KANSL1L: variants seen among roughly 807,000 people sequenced by gnomAD.
KANSL1L encodes the protein KAT8 regulatory NSL complex subunit 1-like protein.
A neutral mutation model predicts 108.6 loss-of-function variants in KANSL1L; 25 were observed. The ratio of observed to expected loss-of-function variants is 0.23; its 90% CI spans 0.17 to 0.32. The LOEUF (loss-of-function observed/expected upper bound fraction) is 0.32, where lower values mean the gene tolerates loss of function less well. KANSL1L is among the 10% of genes least tolerant of loss of function. KANSL1L has a pLI of 1.00. For synonymous variants in KANSL1L, 405 were observed against 395.1 expected, an observed-to-expected ratio of 1.03 and a Z score of -0.30; for missense variants, 1,137 against 1,125.7, an observed-to-expected ratio of 1.01 and a Z score of -0.14.
At chr2:210,088,431 C>T (rs554463366) in intron 5 of KANSL1L, 1 of 152,354 alleles carries the variant, frequency 6.6e-6, no homozygotes, top group South Asian at 2.1e-4. Context: ...AAATACTCAC[C>T]CAATGAATCC....
chr2:210,067,215 C>A (rs1200644750), intron 6 of KANSL1L, among the ~76,000 whole-genome samples: 1 of 152,168 alleles, frequency 6.6e-6, no homozygotes, highest in African/African-American at 2.4e-5. Context: ...AGTTCTCCAG[C>A]TGGCAGACAG....
intron 6 of KANSL1L, among the ~76,000 whole-genome samples, chr2:210,046,751 T>C (rs919558990): frequency 6.6e-6 from 1 of 152,128 alleles, no homozygotes; most frequent in African/African-American, 2.4e-5. Flanking sequence ...CCTGTGGCTC[T>C]CCTAGGCTAG....
At chr2:210,092,930 T>G (rs529113195) in intron 5 of KANSL1L, among the ~76,000 whole-genome samples, 4 of 148,796 alleles carry the variant, frequency 2.7e-5, no homozygotes, top group South Asian at 2.1e-4. Flanking sequence ...GGTTTTTTGT[T>G]TTTTTTTTTT....
Position 210,022,782 on chromosome 2 carries a change from T to C in KANSL1L, c.*167A>G, listed in dbSNP as rs1167907265. ...GTAGATGAAAATCTGGTTACCCTTA[T>C]GGTTCCAGAAGGAAAAACAGACTTA... On this transcript the variant is annotated 3_prime_UTR_variant, in exon 15 of 15. Transcript: ENST00000281772. 5.1e-6 allele frequency: 3 copies of C among 591,150 alleles called. No homozygotes were observed. Among genetic ancestry groups the C allele is most frequent in the East Asian group, 2.8e-5 (1 of 35,180 alleles). The allele number at this position is 591,150 out of a possible 1,614,324, so 36.6% of individuals were successfully genotyped here.
At chr2:210,099,031 CT>C (rs1266558560) in intron 4 of KANSL1L, among the ~76,000 whole-genome samples, 4 of 151,884 alleles carry the variant, frequency 2.6e-5, no homozygotes, top group Non-Finnish European at 4.4e-5. Context: ...CATAGAAGAA[CT>C]GGAAAATATA....
intron 2 of KANSL1L, among the ~76,000 whole-genome samples, chr2:210,150,952 A>T (rs1226963953): frequency 6.6e-6 from 1 of 152,152 alleles, no homozygotes; most frequent in Admixed American, 6.5e-5. Context: ...ACTAAGCATT[A>T]TAGGAAATCA....
intron 8 of KANSL1L, among the ~76,000 whole-genome samples, chr2:210,031,918 C>A (rs1275016611): frequency 4.6e-5 from 7 of 152,290 alleles, no homozygotes; most frequent in Middle Eastern, 3.4e-3. Context: ...CATGGTCAGA[C>A]TAGACTGTGC....
intron 5 of KANSL1L, among the ~76,000 whole-genome samples, chr2:210,078,076 G>C (rs2094555024): frequency 6.6e-6 from 1 of 152,122 alleles, no homozygotes; most frequent in Non-Finnish European, 1.5e-5. Context: ...ATATGGTATA[G>C]CCTCTTGCTC....
chr2:210,125,390 AAAG>A (rs1327916192), intron 3 of KANSL1L, among the ~76,000 whole-genome samples: 1 of 152,236 alleles, frequency 6.6e-6, no homozygotes, highest in Non-Finnish European at 1.5e-5. Context: ...CTAAATTTTT[AAAG>A]AAGACCAAAT....
intron 2 of KANSL1L, among the ~76,000 whole-genome samples, chr2:210,143,552 C>A (rs2095244967): frequency 6.6e-6 from 1 of 152,070 alleles, no homozygotes; most frequent in South Asian, 2.1e-4. Flanking sequence ...TCCTCTCTTG[C>A]TGTCTTCCTT....
In KANSL1L at chr2:210,024,302, C is replaced by A. The variant is rs10197463; in HGVS notation, c.2565-101G>T. 11,360 of 863,130 alleles carry A rather than the reference C, an allele frequency of 0.013. 894 individuals are homozygous for A. The African/African-American group carries it at 0.17, about 13-fold the overall frequency. The allele number at this position is 863,130 out of a possible 1,614,324, so 53.5% of individuals were successfully genotyped here. A position where few individuals can be genotyped will look rare whatever the true frequency, so the allele number is the denominator to read the frequency against. On this transcript the variant is annotated intron_variant, in intron 13 of 14. Transcript: ENST00000281772. Reference sequence around the variant, plus strand: ...TCACTGAGTCAAGTTAACTTGGTAACTTTAAACAGTTTTGCCCAAAGATTT... The same window carrying A: ...TCACTGAGTCAAGTTAACTTGGTAAATTTAAACAGTTTTGCCCAAAGATTT...
At chr2:210,086,841 T>C (rs912719054) in intron 5 of KANSL1L, among the ~76,000 whole-genome samples, 1 of 152,024 alleles carries the variant, frequency 6.6e-6, no homozygotes, top group Non-Finnish European at 1.5e-5. Context: ...TATAATGTGA[T>C]ATAAAGCTAT....
intron 8 of KANSL1L, among the ~76,000 whole-genome samples, chr2:210,034,339 C>G (rs2094069890): frequency 6.6e-6 from 1 of 152,058 alleles, no homozygotes; most frequent in Non-Finnish European, 1.5e-5. Context: ...GTGACAGACT[C>G]CAAATATGAA....
In KANSL1L at chr2:210,028,611, A is replaced by G. The variant is rs1168868137; in HGVS notation, c.2396+234T>C. ...CTGGATAATAATAATAAAAAAGACTAAGAATGCTAAAGTAGTCTAGGAATT... is the reference window on the plus strand; with the variant it reads ...CTGGATAATAATAATAAAAAAGACTGAGAATGCTAAAGTAGTCTAGGAATT... On this transcript the variant is annotated intron_variant, in intron 11 of 14. Transcript: ENST00000281772. 39 of 362,134 alleles carry G rather than the reference A, an allele frequency of 1.1e-4. No homozygotes were observed. The South Asian group carries it at 1.7e-3, about 15-fold the overall frequency. 22.4% of individuals were successfully genotyped at this position (362,134 alleles called of 1,614,324 possible). A position where few individuals can be genotyped will look rare whatever the true frequency, so the allele number is the denominator to read the frequency against.
intron 5 of KANSL1L, chr2:210,096,388 T>C (rs1220117275): frequency 2.4e-5 from 12 of 492,780 alleles, no homozygotes; most frequent in Non-Finnish European, 2.9e-5. Flanking sequence ...TGAAGACTTC[T>C]GTCTTCATAT....
At chr2:210,161,444 A>C (rs2095360942) in intron 1 of KANSL1L, among the ~76,000 whole-genome samples, 1 of 152,234 alleles carries the variant, frequency 6.6e-6, no homozygotes, top group Admixed American at 6.5e-5. Context: ...TATCAGAATG[A>C]ATCATGAGCC....
At chr2:210,040,722 A>G (rs1393528236) in intron 7 of KANSL1L, among the ~76,000 whole-genome samples, 195 bp from the exon 8 acceptor site, 1 of 152,134 alleles carries the variant, frequency 6.6e-6, no homozygotes, top group African/African-American at 2.4e-5. Flanking sequence ...AGTATTTTAG[A>G]AATTACTGGT....
chr2:210,039,978 G>A (rs1307686467), intron 8 of KANSL1L, among the ~76,000 whole-genome samples: 2 of 151,398 alleles, frequency 1.3e-5, no homozygotes, highest in African/African-American at 2.4e-5. Context: ...TATGTGCTTG[G>A]GCTAGATTTT....
At chr2:210,055,885 C>T (rs916243729) in intron 6 of KANSL1L, among the ~76,000 whole-genome samples, 3 of 152,242 alleles carry the variant, frequency 2.0e-5, no homozygotes, top group Non-Finnish European at 4.4e-5. Context: ...GAGAGAAATT[C>T]AAGCCTGCTG....
Sources: allele counts gnomAD v4.1 joint callset (sites outside exome capture counted in the v4.1 genomes callset), GRCh38; gene constraint gnomAD v4.1.1; transcripts MANE v1.5; gene names NCBI Gene and HGNC (gene_info 2026-07-23, HGNC 2026-07-21).